The following SIM1 variants were observed in gnomAD, a reference collection of about 807,000 sequenced individuals.
The protein encoded by SIM1 is single-minded homolog 1.
Under a neutral mutation model 78.2 loss-of-function variants are expected in SIM1, and 18 were observed. The ratio of observed to expected loss-of-function variants is 0.23; its 90% CI spans 0.16 to 0.34. The LOEUF is 0.34. Ranked by LOEUF, SIM1 falls within the 10% of genes least tolerant of loss-of-function variation. The pLI is 1.00. For synonymous variants in SIM1, 417 were observed against 385.2 expected (o/e 1.08, Z -0.97); for missense variants, 939 against 975.1 (o/e 0.96, Z 0.49).
In SIM1 at chr6:100,436,391, G is replaced by T. The variant is rs140494955; in HGVS notation, c.998+10877C>A. On this transcript the variant is annotated intron_variant, in intron 9 of 11. Coordinates refer to ENST00000369208, the MANE Select transcript of SIM1 (RefSeq NM_005068.3). The stretch of plus-strand genomic sequence containing the variant: ...AGGCCACTAGTCCTAACCAATTGAA[G>T]GAGGATCTTTCCAGATGCATCAAGA... Among the ~76,000 whole-genome samples the T allele has an allele frequency of 2.1e-4, 32 of 152,310 alleles. 1 individual carries two copies. Among genetic ancestry groups the T allele is most frequent in the African/African-American group, 7.7e-4 (32 of 41,572 alleles).
rs1250003185 is a variant in SIM1 at position 100,412,608 on chromosome 6, AAAGG to A, written c.1167+8178_1167+8181del. 1.4e-3 allele frequency among the ~76,000 whole-genome samples: 146 copies of A among 104,634 alleles called. 3 individuals carry two copies. The highest frequency in any genetic ancestry group is 4.2e-3 in the African/African-American group (118 of 27,848). 68.6% of individuals were successfully genotyped at this position (104,634 alleles called of 152,430 possible). ...GAAAGAAAGAAAGAAAGAAAGAAAG[AAAGG>A]AAAGAAAGAAGGAAAGAAAGAAAGA... On this transcript the variant is annotated intron_variant, in intron 10 of 11. Transcript: ENST00000369208.
chr6:100,427,713 A>G (rs1771770562), intron 9 of SIM1, among the ~76,000 whole-genome samples: 1 of 152,168 alleles, frequency 6.6e-6, no homozygotes. Flanking sequence ...ATCACACTAC[A>G]TCTAAATTTG....
chr6:100,412,598 AGAAAGAAAGAAAGGAAAGAAAGAAG>A (rs1771234785), intron 10 of SIM1, among the ~76,000 whole-genome samples: 3 of 110,472 alleles, frequency 2.7e-5, no homozygotes, highest in African/African-American at 6.5e-5. Flanking sequence ...AAAGAAAGAA[AGAAAGAAAGAAAGGAAAGAAAGAAG>A]GAAAGAAAGA....
At position 100,387,519 on chromosome 6, in the gene SIM1, A is replaced by G. The variant is rs1239899412; in HGVS notation, c.*2842T>C. On this transcript the variant is annotated 3_prime_UTR_variant, in exon 12 of 12. Coordinates refer to ENST00000369208, the MANE Select transcript of SIM1 (RefSeq NM_005068.3). ...TACCTTGGGTCATTTTGTGATAATCATGCCATATTGCAAAAAATGTAAGCT... is the reference window on the plus strand; with the variant it reads ...TACCTTGGGTCATTTTGTGATAATCGTGCCATATTGCAAAAAATGTAAGCT... 6.6e-6 allele frequency: 1 copy of G among 152,056 alleles called. No individual in the cohort carries two copies. Among genetic ancestry groups the G allele is most frequent in the African/African-American group, 2.4e-5 (1 of 41,428 alleles). The allele number at this position is 152,056 out of a possible 1,614,324, so 9.4% of individuals were successfully genotyped here.
intron 9 of SIM1, among the ~76,000 whole-genome samples, chr6:100,435,230 G>A (rs1304753822): frequency 1.3e-5 from 2 of 152,026 alleles, no homozygotes; most frequent in African/African-American, 4.8e-5. Context: ...GCAAAATATT[G>A]GCAAAATGTC....
chr6:100,401,301 G>C (rs1770908878), intron 10 of SIM1, among the ~76,000 whole-genome samples: 1 of 152,084 alleles, frequency 6.6e-6, no homozygotes, highest in African/African-American at 2.4e-5. Flanking sequence ...AGATGAAAGA[G>C]GCATGAAAAT....
intron 10 of SIM1, among the ~76,000 whole-genome samples, chr6:100,400,573 T>C (rs1770890761): frequency 6.6e-6 from 1 of 152,120 alleles, no homozygotes; most frequent in African/African-American, 2.4e-5. Flanking sequence ...ACCTATGAGA[T>C]ACACAGCTTT....
intron 2 of SIM1, among the ~76,000 whole-genome samples, chr6:100,461,238 T>C (rs986933490): frequency 2.6e-5 from 4 of 152,220 alleles, no homozygotes; most frequent in Admixed American, 2.6e-4. Context: ...TTCCTATTTA[T>C]TTATAACGAG....
In SIM1 at chr6:100,403,464, A is replaced by G. The variant is rs549252679; in HGVS notation, c.1168-9575T>C. On this transcript the variant is annotated intron_variant, in intron 10 of 11. Coordinates refer to ENST00000369208, the MANE Select transcript of SIM1 (RefSeq NM_005068.3). ...AAAAATTCATTCTAACATTCATTCT[A>G]ATATTTATTAAGTGCCTGCTTTGCA... 7.6e-4 allele frequency among the ~76,000 whole-genome samples: 116 copies of G among 152,302 alleles called. 1 individual carries two copies. The South Asian group carries it at 0.021, about 28-fold the overall frequency.
intron 9 of SIM1, among the ~76,000 whole-genome samples, chr6:100,443,526 T>G (rs1026111846): frequency 2.0e-5 from 3 of 152,134 alleles, no homozygotes; most frequent in African/African-American, 7.2e-5. Flanking sequence ...GAACTTTCTA[T>G]CCTACGAAAG....
intron 2 of SIM1, among the ~76,000 whole-genome samples, chr6:100,457,765 G>GCCCTCT (rs1772709512): frequency 6.6e-6 from 1 of 152,218 alleles, no homozygotes; most frequent in Admixed American, 6.5e-5. Flanking sequence ...CCTGCCTGCG[G>GCCCTCT]CCCTCTCCGG....
Position 100,393,807 on chromosome 6 carries a change from G to T in SIM1, c.1250C>A (p.Pro417Gln). Residue 417 changes from proline to glutamine, a missense_variant, in exon 11 of 12, where the codon CCG (proline) becomes CAG (glutamine). Physicochemically the swap from Pro to Gln is moderately conservative, Grantham distance 76 (BLOSUM62 -1). Around this residue, in one of 5 missense-constraint regions of SIM1, gnomAD observed 556 missense variants for 521.9 expected, o/e 1.07. Coordinates refer to ENST00000369208, the MANE Select transcript of SIM1 (RefSeq NM_005068.3). The stretch of plus-strand genomic sequence containing the variant: ...CCTATCGGCGGGGTCCAGAAGCTGC[G>T]GAGAGGCCGTGTCGGTCAAGGGACT... Reference protein sequence around the residue: ...GGSPLTDTASPQLLDPADRPG... With the variant: ...GGSPLTDTASQQLLDPADRPG... The T allele has an allele frequency of 6.2e-7, 1 of 1,613,626 alleles. No individual in the cohort carries two copies. The highest frequency in any genetic ancestry group is 8.5e-7 in the Non-Finnish European group (1 of 1,179,766).
rs201951716 is a variant in SIM1 at position 100,390,853 on chromosome 6, G to A, written c.1809C>T (p.Ser603=). 1.2e-6 allele frequency: 2 copies of A among 1,614,184 alleles called. No individual in the cohort carries two copies. Among genetic ancestry groups the A allele is most frequent in the South Asian group, 2.2e-5 (2 of 91,084 alleles). ...ASINGAGKKH[S]LCFANYQQPP... ...GCTGTTGGTAGTTTGCAAAACACAG[G>A]GAGTGTTTTTTCCCAGCCCCATTAA... Residue 603 remains serine, a synonymous_variant, in exon 12 of 12, where the codon TCC becomes TCT. Transcript: ENST00000369208.
intron 10 of SIM1, among the ~76,000 whole-genome samples, chr6:100,401,906 A>G (rs2114475684): frequency 6.6e-6 from 1 of 152,322 alleles, no homozygotes; most frequent in East Asian, 1.9e-4. Context: ...ATATGAAAAT[A>G]TAAAGTTATC....
At chr6:100,451,625 G>A (rs1235037803) in intron 3 of SIM1, among the ~76,000 whole-genome samples, 1 of 152,152 alleles carries the variant, frequency 6.6e-6, no homozygotes, top group Non-Finnish European at 1.5e-5. Context: ...AGCAGAGATG[G>A]TCAAGCCTGA....
chr6:100,448,664 G>A lies in SIM1; in HGVS notation c.558C>T (p.Ser186=), dbSNP rs1050115384. Residue 186 remains serine, a synonymous_variant, in exon 7 of 12, where the codon AGC becomes AGT. Transcript: ENST00000369208. ...TGTACTGGCGGATCTTCAAGTAGCCGCTGCAGTGGATGACCTGAGGCAGAG... is the reference window on the plus strand; with the variant it reads ...TGTACTGGCGGATCTTCAAGTAGCCACTGCAGTGGATGACCTGAGGCAGAG... ...TCGGYKVIHC[S]GYLKIRQYSL... 6.8e-6 allele frequency: 11 copies of A among 1,611,454 alleles called. No homozygotes were observed. The highest frequency in any genetic ancestry group is 1.1e-5 in the South Asian group (1 of 91,076).
At chr6:100,407,240 C>T (rs996563140) in intron 10 of SIM1, among the ~76,000 whole-genome samples, 1 of 151,962 alleles carries the variant, frequency 6.6e-6, no homozygotes, top group Non-Finnish European at 1.5e-5. Context: ...TCGTCTTTCT[C>T]TATCTGGCTT....
intron 11 of SIM1, among the ~76,000 whole-genome samples, chr6:100,391,481 G>T (rs1002863964): frequency 6.6e-6 from 1 of 152,238 alleles, no homozygotes; most frequent in Admixed American, 6.5e-5. Flanking sequence ...ATTCTGTAGA[G>T]CAGTGCCATG....
At chr6:100,394,495 T>A (rs977419833) in intron 10 of SIM1, among the ~76,000 whole-genome samples, 5 of 152,124 alleles carry the variant, frequency 3.3e-5, no homozygotes, top group African/African-American at 1.2e-4. Flanking sequence ...AGCCTCCACC[T>A]CCTGGGCTCA....
Sources: gnomAD v4.1 joint callset for allele counts (sites outside exome capture counted in the v4.1 genomes callset) on GRCh38, gnomAD v4.1.1 for gene constraint, gnomAD v4.1.1 regional missense constraint, MANE v1.5 for transcripts, NCBI Gene and HGNC (gene_info 2026-07-23, HGNC 2026-07-21) for gene names.